Variants in DISC1 observed in about 807,000 individuals in gnomAD.
DISC1 encodes DISC1 scaffold protein.
Under a neutral mutation model 84.5 loss-of-function variants are expected in DISC1, and 57 were observed. That is an observed-to-expected ratio of 0.67 (90% CI 0.55 to 0.84). DISC1 has a LOEUF of 0.84. DISC1 is among the 40% of genes least tolerant of loss of function. DISC1 has a pLI of 0.00. For synonymous variants in DISC1, 411 were observed against 415.2 expected (o/e 0.99, Z 0.12); for missense variants, 1,000 against 1,057.8 (o/e 0.95, Z 0.76).
chr1:231,908,489 T>C (rs949929387), intron 9 of DISC1, among the ~76,000 whole-genome samples: 2 of 152,172 alleles, frequency 1.3e-5, no homozygotes, highest in African/African-American at 4.8e-5. Context: ...TGGTTGTAGA[T>C]GTGTGGTATT....
intron 8 of DISC1, among the ~76,000 whole-genome samples, chr1:231,803,502 C>G (rs1191113771): frequency 2.0e-5 from 3 of 152,122 alleles, no homozygotes; most frequent in Non-Finnish European, 4.4e-5. Flanking sequence ...AAAGGCTTGG[C>G]TGGGGCTGAA....
At chr1:231,775,227 A>G (rs1469931347) in intron 6 of DISC1, among the ~76,000 whole-genome samples, 2 of 152,226 alleles carry the variant, frequency 1.3e-5, no homozygotes, top group Non-Finnish European at 2.9e-5. Flanking sequence ...CTAACATGCA[A>G]TTGCAATATG....
intron 4 of DISC1, among the ~76,000 whole-genome samples, chr1:231,759,028 A>G (rs1417421517): frequency 6.6e-6 from 1 of 152,188 alleles, no homozygotes; most frequent in Non-Finnish European, 1.5e-5. Context: ...AAGATCTATC[A>G]TGGTTTTCCA....
chr1:231,758,755 A>G (rs1202747586), intron 4 of DISC1, among the ~76,000 whole-genome samples: 4 of 152,130 alleles, frequency 2.6e-5, no homozygotes, highest in African/African-American at 7.2e-5. Flanking sequence ...CTCCTAAGAG[A>G]GAGAGTTGGC....
intron 1 of DISC1, among the ~76,000 whole-genome samples, chr1:231,672,326 C>T (rs1007845749): frequency 6.6e-6 from 1 of 152,144 alleles, no homozygotes; most frequent in Non-Finnish European, 1.5e-5. Context: ...GCTAGGTACT[C>T]TCTTTCTATC....
Position 232,026,430 on chromosome 1 carries a change from G to A in DISC1, c.2308-5G>A, listed in dbSNP as rs367717138. The A allele has an allele frequency of 8.2e-5, 130 of 1,586,928 alleles. No homozygotes were observed. Among genetic ancestry groups the A allele is most frequent in the African/African-American group, 4.6e-4 (34 of 74,586 alleles). On this transcript the variant is annotated splice_polypyrimidine_tract_variant and splice_region_variant and intron_variant, in intron 11 of 12. Coordinates refer to ENST00000439617, the MANE Select transcript of DISC1 (RefSeq NM_018662.3). ...CAAGTGATCTTGTTTTCCCCCTCTC[G>A]CCAGGAATCTTACATCCTTTCTGCA...
intron 9 of DISC1, chr1:231,940,814 G>A (rs2091283085): frequency 6.6e-6 from 1 of 152,228 alleles, no homozygotes; most frequent in Non-Finnish European, 1.5e-5. Context: ...TTGAGACTCT[G>A]CCTTCAACAT....
intron 3 of DISC1, among the ~76,000 whole-genome samples, chr1:231,714,316 A>G (rs1468207356): frequency 6.6e-6 from 1 of 152,176 alleles, no homozygotes; most frequent in Non-Finnish European, 1.5e-5. Context: ...TTGATTTTTG[A>G]CAAGGGGTGC....
chr1:231,886,820 TTTCTTTCTTTCTTTCC>T lies in DISC1; in HGVS notation c.1981+68314_1981+68329del, dbSNP rs1558692422. ...CTTTCTTTCTTTCTTTCTTTCTTTC[TTTCTTTCTTTCTTTCC>T]TTCTTTCTTTTCTTTCTTTCTTTTC... On this transcript the variant is annotated intron_variant, in intron 9 of 12. Transcript: ENST00000439617. Among the ~76,000 whole-genome samples the T allele has an allele frequency of 1.0e-4, 14 of 136,954 alleles. 1 individual carries two copies. Among genetic ancestry groups the T allele is most frequent in the African/African-American group, 2.4e-4 (9 of 36,908 alleles). 89.8% of individuals were successfully genotyped at this position (136,954 alleles called of 152,430 possible).
chr1:231,819,075 A>G (rs1027673179), intron 9 of DISC1: 5 of 986,834 alleles, frequency 5.1e-6, no homozygotes, highest in Non-Finnish European at 6.0e-6. Context: ...AGTCGTTAGG[A>G]GTAACTGAGC....
Position 231,875,374 on chromosome 1 carries a change from C to T in DISC1, c.1981+56857C>T, listed in dbSNP as rs532189690. Reference sequence around the variant, plus strand: ...TGGTGAGTGAAGGCCACTTGTCAGCCGAGTGTTAGACAGCCAGGGGCTCCT... The same window carrying T: ...TGGTGAGTGAAGGCCACTTGTCAGCTGAGTGTTAGACAGCCAGGGGCTCCT... On this transcript the variant is annotated intron_variant, in intron 9 of 12. Coordinates refer to ENST00000439617, the MANE Select transcript of DISC1 (RefSeq NM_018662.3). Among the ~76,000 whole-genome samples, 19 of 152,172 alleles carry T rather than the reference C, an allele frequency of 1.2e-4. 2 individuals are homozygous for T. The highest frequency in any genetic ancestry group is 3.9e-4 in the African/African-American group (16 of 41,508).
At chr1:232,000,067 C>T (rs1666480906) in intron 10 of DISC1, among the ~76,000 whole-genome samples, 1 of 152,064 alleles carries the variant, frequency 6.6e-6, no homozygotes, top group Non-Finnish European at 1.5e-5. Flanking sequence ...AATTAGGAAC[C>T]ATTCATCATA....
chr1:231,873,667 C>T (rs576272344), intron 9 of DISC1, among the ~76,000 whole-genome samples: 24 of 152,114 alleles, frequency 1.6e-4, no homozygotes, highest in Non-Finnish European at 2.8e-4. Flanking sequence ...TCAAGGAAAA[C>T]GGGTTCAACC....
chr1:231,974,241 A>G (rs549761584), intron 10 of DISC1, among the ~76,000 whole-genome samples: 7 of 152,234 alleles, frequency 4.6e-5, no homozygotes, highest in Middle Eastern at 3.4e-3. Flanking sequence ...CTCTCCCTGG[A>G]TGTTTAGCTC....
chr1:231,871,614 G>C (rs1040821971), intron 9 of DISC1, among the ~76,000 whole-genome samples: 2 of 152,188 alleles, frequency 1.3e-5, no homozygotes, highest in African/African-American at 4.8e-5. Flanking sequence ...AGCCAACCAT[G>C]TGTTAATCTC....
intron 6 of DISC1, among the ~76,000 whole-genome samples, chr1:231,781,160 TAAAAAAAA>T (rs56779223): frequency 8.5e-6 from 1 of 117,914 alleles, no homozygotes. Flanking sequence ...AAAGTATAAT[TAAAAAAAA>T]AAAAAAAAGA....
intron 2 of DISC1, among the ~76,000 whole-genome samples, chr1:231,701,315 T>G (rs2066389464): frequency 6.6e-6 from 1 of 152,162 alleles, no homozygotes; most frequent in South Asian, 2.1e-4. Flanking sequence ...GGAGCTACAA[T>G]TCAAGATGAG....
At chr1:231,930,348 C>A (rs11122376) in intron 9 of DISC1, among the ~76,000 whole-genome samples, 1 of 152,006 alleles carries the variant, frequency 6.6e-6, no homozygotes, top group Non-Finnish European at 1.5e-5. Flanking sequence ...TCTTTTCACC[C>A]TAACATTTCC....
rs67972870 is a variant in DISC1, at chr1:231,824,875, T to TATCCATCCATCC, written c.1981+6384_1981+6395dup. On this transcript the variant is annotated intron_variant, in intron 9 of 12. Transcript: ENST00000439617. Reference sequence around the variant, plus strand: ...GAACCAGATCTTGAAGTTGCATTTCTATCCATCCATCCATCCATCCATCCA... The same window carrying TATCCATCCATCC: ...GAACCAGATCTTGAAGTTGCATTTCTATCCATCCATCCATCCATCCATCCATCCATCCATCCA... Among the ~76,000 whole-genome samples the TATCCATCCATCC allele has an allele frequency of 6.2e-3, 931 of 149,998 alleles. 3 individuals are homozygous for TATCCATCCATCC. Among genetic ancestry groups the TATCCATCCATCC allele is most frequent in the South Asian group, 0.026 (122 of 4,646 alleles).
Sources: allele counts gnomAD v4.1 joint callset (sites outside exome capture counted in the v4.1 genomes callset), GRCh38; gene constraint gnomAD v4.1.1; transcripts MANE v1.5; gene names NCBI Gene and HGNC (gene_info 2026-07-23, HGNC 2026-07-21).